The following CLEC16A variants were observed in gnomAD, a reference collection of about 807,000 sequenced individuals.
CLEC16A encodes the protein C-type lectin domain containing 16A, also known as protein CLEC16A.
A neutral mutation model predicts 109.5 loss-of-function variants in CLEC16A; 51 were observed. That is an observed-to-expected ratio of 0.47 (90% CI 0.37 to 0.59). The LOEUF (loss-of-function observed/expected upper bound fraction) is 0.59, where lower values mean the gene tolerates loss of function less well. Ranked by LOEUF, CLEC16A falls within the 20% of genes least tolerant of loss-of-function variation. The pLI is 0.00. For synonymous variants in CLEC16A, 673 were observed against 564.2 expected (o/e 1.19, Z -2.73); for missense variants, 1,339 against 1,394.0 (o/e 0.96, Z 0.63).
rs531821633 is a variant in CLEC16A at position 11,041,863 on chromosome 16, G to A, written c.1661-391G>A. ...GGAGCACCCCAACTGGCCAGGTGAT[G>A]TGCCCAACCCTGGAACGGGGAAGGA... is the stretch of plus-strand genomic sequence containing the variant. On this transcript the variant is annotated intron_variant, in intron 14 of 23. Coordinates refer to ENST00000409790, the MANE Select transcript of CLEC16A (RefSeq NM_015226.3). The A allele has an allele frequency of 4.2e-5, 7 of 168,234 alleles. No individual in the cohort carries two copies. In the South Asian group the frequency reaches 1.1e-3, roughly 26 times the overall value. The allele number at this position is 168,234 out of a possible 1,614,324, so 10.4% of individuals were successfully genotyped here.
chr16:11,149,805 G>T (rs1037350026), intron 22 of CLEC16A: 1 of 149,526 alleles, frequency 6.7e-6, no homozygotes, highest in Non-Finnish European at 1.5e-5. Flanking sequence ...AAAAAAAATT[G>T]CAACATTGCA....
chr16:11,096,270 G>A (rs1005285211), intron 19 of CLEC16A, among the ~76,000 whole-genome samples: 5 of 151,990 alleles, frequency 3.3e-5, no homozygotes, highest in African/African-American at 7.3e-5. Flanking sequence ...ATTTGAGTCC[G>A]GGAAGTCAAG....
intron 11 of CLEC16A, among the ~76,000 whole-genome samples, chr16:11,011,161 T>C (rs1406670266): frequency 6.6e-6 from 1 of 152,240 alleles, no homozygotes; most frequent in South Asian, 2.1e-4. Flanking sequence ...ATACAGATAT[T>C]CAGCCCCTTG....
chr16:10,995,011 T>C (rs992735465), intron 10 of CLEC16A, among the ~76,000 whole-genome samples: 10 of 152,218 alleles, frequency 6.6e-5, no homozygotes, highest in African/African-American at 2.2e-4. Context: ...TGCCTCTCAC[T>C]AGTGGGTGAC....
Position 11,120,760 on chromosome 16 carries a change from A to T in CLEC16A, c.2262A>T (p.Leu754=), listed in dbSNP as rs200560039. ...LGWGVVKFAG[L]LQDMQVTGVE... is the part of the protein sequence containing the mutation. The stretch of plus-strand genomic sequence containing the variant: ...GGGGAGTGGTCAAGTTTGCAGGCCT[A>T]TTGCAGGTAAGATGGCCAGGAGCTC... Residue 754 remains leucine (L), a synonymous_variant, in exon 20 of 24, where the codon CTA becomes CTT. Transcript: ENST00000409790. 1.9e-6 allele frequency: 3 copies of T among 1,540,760 alleles called. No homozygotes were observed. In the Admixed American group the frequency reaches 6.0e-5, roughly 31 times the overall value.
chr16:11,033,678 A>AT (rs35286539), intron 13 of CLEC16A, among the ~76,000 whole-genome samples: 1 of 152,070 alleles, frequency 6.6e-6, no homozygotes, highest in Non-Finnish European at 1.5e-5. Context: ...TTTCTCATAG[A>AT]TTTTTTCCTC....
intron 23 of CLEC16A, among the ~76,000 whole-genome samples, chr16:11,168,125 T>C (rs1472881800): frequency 1.3e-5 from 2 of 152,214 alleles, no homozygotes; most frequent in Admixed American, 6.5e-5. Context: ...AGACCCACAG[T>C]ATCAAAAATG....
chr16:11,067,417 G>T (rs760969540), intron 19 of CLEC16A, among the ~76,000 whole-genome samples: 3 of 151,952 alleles, frequency 2.0e-5, no homozygotes, highest in Non-Finnish European at 2.9e-5. Context: ...AGGGCTGCAG[G>T]GGGGGTGTGG....
intron 10 of CLEC16A, among the ~76,000 whole-genome samples, chr16:10,990,610 G>C (rs957179231): frequency 6.6e-6 from 1 of 152,212 alleles, no homozygotes; most frequent in Non-Finnish European, 1.5e-5. Flanking sequence ...GGGCACAGTG[G>C]GCAGGGATGG....
intron 19 of CLEC16A, among the ~76,000 whole-genome samples, chr16:11,111,625 T>G (rs1406138818): frequency 6.6e-6 from 1 of 152,138 alleles, no homozygotes; most frequent in East Asian, 1.9e-4. Context: ...CGTAAGAAAA[T>G]CCATTTCAGT....
chr16:11,010,716 G>A (rs1312448150), intron 11 of CLEC16A, among the ~76,000 whole-genome samples: 2 of 152,142 alleles, frequency 1.3e-5, no homozygotes, highest in Non-Finnish European at 2.9e-5. Context: ...GCCTAATAAT[G>A]TCTTTCTAGC....
intron 19 of CLEC16A, among the ~76,000 whole-genome samples, chr16:11,089,055 G>GGGGGAA (rs1418351897): frequency 2.0e-5 from 3 of 152,148 alleles, no homozygotes; most frequent in Admixed American, 6.5e-5. Flanking sequence ...GGGAGGGGGA[G>GGGGGAA]GGTGTCCTTC....
chr16:10,957,712 T>C (rs1190386645), intron 1 of CLEC16A, 70 bp from the exon 2 acceptor site: 6 of 1,514,712 alleles, frequency 4.0e-6, no homozygotes, highest in Non-Finnish European at 5.5e-6. Flanking sequence ...AAAATATTGC[T>C]AATGGTCATG....
At position 11,026,359 on chromosome 16, in the gene CLEC16A, C is replaced by T. The variant is rs371894336; in HGVS notation, c.1537+1438C>T. On this transcript the variant is annotated intron_variant, in intron 13 of 23. Transcript: ENST00000409790. ...GTAGGCATAGGGCTTTTTAAGGTTA[C>T]GTATTTCTTCTTGAGTGAGCTTTGG... Among the ~76,000 whole-genome samples, 5 of 152,246 alleles carry T rather than the reference C, an allele frequency of 3.3e-5. No homozygotes were observed. In the East Asian group the frequency reaches 7.7e-4, roughly 23 times the overall value.
chr16:11,087,635 A>T (rs2050081336), intron 19 of CLEC16A, among the ~76,000 whole-genome samples: 1 of 152,236 alleles, frequency 6.6e-6, no homozygotes, highest in Non-Finnish European at 1.5e-5. Flanking sequence ...CAGGCAAGGA[A>T]GTTCTATATC....
At chr16:10,971,744 A>G (rs934819798) in intron 5 of CLEC16A, among the ~76,000 whole-genome samples, 6 of 152,172 alleles carry the variant, frequency 3.9e-5, no homozygotes, top group Admixed American at 6.5e-5. Context: ...ACATTGCCCC[A>G]GGGAAAAAGC....
At chr16:11,150,966 TAGGAGGCACAGACA>T (rs2054270955) in intron 22 of CLEC16A, among the ~76,000 whole-genome samples, 4 of 152,244 alleles carry the variant, frequency 2.6e-5, no homozygotes. Flanking sequence ...TTTCATTTTT[TAGGAGGCACAGACA>T]TATTGGATTA....
chr16:10,949,061 A>T (rs1009721702), intron 1 of CLEC16A, among the ~76,000 whole-genome samples: 1 of 152,062 alleles, frequency 6.6e-6, no homozygotes, highest in African/African-American at 2.4e-5. Flanking sequence ...GATTAGCTCC[A>T]CTCAAGCTAG....
intron 16 of CLEC16A, 95 bp downstream of exon 16, chr16:11,044,167 T>A: frequency 2.8e-6 from 3 of 1,076,962 alleles, no homozygotes; most frequent in Non-Finnish European, 3.9e-6. Context: ...TTATATGTCT[T>A]CAGTTATTTT....
Sources: allele counts gnomAD v4.1 joint callset (sites outside exome capture counted in the v4.1 genomes callset), GRCh38; gene constraint gnomAD v4.1.1; transcripts MANE v1.5; gene names NCBI Gene and HGNC (gene_info 2026-07-23, HGNC 2026-07-21).